SIRT1: variants seen among roughly 807,000 people sequenced by gnomAD.
The protein encoded by SIRT1 is sirtuin 1.
SIRT1 carries 24 observed loss-of-function variants against 67.9 expected under a neutral mutation model. The observed-to-expected ratio is 0.35, with a 90% confidence interval of 0.26 to 0.50. The LOEUF (loss-of-function observed/expected upper bound fraction) is 0.50. Among genes scored for constraint, SIRT1 ranks in the 20% least tolerant of loss-of-function variants. SIRT1 has a pLI of 0.98. For missense variants in SIRT1, 873 were observed against 937.2 expected (o/e 0.93, Z 0.89); for synonymous variants, 378 against 350.7 (o/e 1.08, Z -0.87).
intron 1 of SIRT1, among the ~76,000 whole-genome samples, chr10:67,886,135 G>T (rs1427503631): frequency 7.3e-5 from 11 of 151,702 alleles, no homozygotes; most frequent in African/African-American, 2.7e-4. Flanking sequence ...CAGAGACGGG[G>T]TTTCACCATG....
At chr10:67,893,278 C>T (rs757903721) in intron 4 of SIRT1, among the ~76,000 whole-genome samples, 1 of 152,148 alleles carries the variant, frequency 6.6e-6, no homozygotes, top group Non-Finnish European at 1.5e-5. Flanking sequence ...GGTATTTGTC[C>T]TAATGCTTTT....
At chr10:67,903,280 C>T (rs540642928) in intron 4 of SIRT1, among the ~76,000 whole-genome samples, 1 of 151,618 alleles carries the variant, frequency 6.6e-6, no homozygotes, top group East Asian at 2.0e-4. Flanking sequence ...TGAGGGACTG[C>T]ATTTACACCT....
intron 4 of SIRT1, among the ~76,000 whole-genome samples, chr10:67,904,962 T>C (rs1280273846): frequency 6.6e-6 from 1 of 152,180 alleles, no homozygotes; most frequent in East Asian, 1.9e-4. Context: ...TTTGTGTTTC[T>C]TACTCTACCC....
In SIRT1 at chr10:67,914,173, G is replaced by C. The variant is rs554531743; in HGVS notation, c.1915+1142G>C. Among the ~76,000 whole-genome samples the C allele has an allele frequency of 5.5e-5, 8 of 144,670 alleles. No individual in the cohort carries two copies. The East Asian group carries it at 1.7e-3, about 31-fold the overall frequency. The allele number at this position is 144,670 out of a possible 152,430, so 94.9% of individuals were successfully genotyped here. On this transcript the variant is annotated intron_variant, in intron 8 of 8. Coordinates refer to ENST00000212015, the MANE Select transcript of SIRT1 (RefSeq NM_012238.5). ...TGCAACCTCTGCGTCCCAGGTTCAA[G>C]AGATTCTCCTGCCTCAGCCTTCTGA...
At chr10:67,885,828 T>C (rs10997860) in intron 1 of SIRT1, among the ~76,000 whole-genome samples, 95,164 of 151,950 alleles carry the variant, frequency 0.63, 30,653 homozygotes, top group Non-Finnish European at 0.68. Flanking sequence ...TGTGCGGTAA[T>C]GGTGTTTGGG....
At chr10:67,888,620 C>G (rs987943580) in intron 2 of SIRT1, among the ~76,000 whole-genome samples, 6 of 152,040 alleles carry the variant, frequency 3.9e-5, no homozygotes, top group Non-Finnish European at 5.9e-5. Context: ...ACCATAAGAA[C>G]TTAATTCTGG....
At chr10:67,907,771 GT>G (rs1197416729) in intron 5 of SIRT1, among the ~76,000 whole-genome samples, 11 of 152,126 alleles carry the variant, frequency 7.2e-5, no homozygotes, top group African/African-American at 1.4e-4. Context: ...GTTGAAAAGA[GT>G]AGCTTTAGAA....
chr10:67,900,810 C>T (rs1447905758), intron 4 of SIRT1, among the ~76,000 whole-genome samples: 1 of 152,128 alleles, frequency 6.6e-6, no homozygotes, highest in Non-Finnish European at 1.5e-5. Flanking sequence ...CTTGAATTAC[C>T]TCTTTGTTTT....
chr10:67,910,066 A>T (rs1842876459), intron 7 of SIRT1, among the ~76,000 whole-genome samples: 1 of 151,264 alleles, frequency 6.6e-6, no homozygotes, highest in Admixed American at 6.6e-5. Flanking sequence ...TGACATTTTG[A>T]TGGGGGGTGG....
chr10:67,884,733 G>A lies in SIRT1; in HGVS notation c.12G>A (p.Glu4=), dbSNP rs1049337314. 1 of 1,229,196 alleles carries A rather than the reference G, an allele frequency of 8.1e-7. No individual in the cohort carries two copies. The highest frequency in any genetic ancestry group is 1.0e-6 in the Non-Finnish European group (1 of 986,312). 76.1% of individuals were successfully genotyped at this position (1,229,196 alleles called of 1,614,324 possible). A position where few individuals can be genotyped will look rare whatever the true frequency, so the allele number is the denominator to read the frequency against. Residue 4 remains glutamate (E), a synonymous_variant, in exon 1 of 9, where the codon GAG becomes GAA. Transcript: ENST00000212015. Reference sequence around the variant, plus strand: ...GAGGCAGTTGGAAGATGGCGGACGAGGCGGCCCTCGCCCTTCAGCCCGGCG... The same window carrying A: ...GAGGCAGTTGGAAGATGGCGGACGAAGCGGCCCTCGCCCTTCAGCCCGGCG... The part of the protein sequence containing the change: MAD[E]AALALQPGGS...
intron 4 of SIRT1, among the ~76,000 whole-genome samples, chr10:67,893,038 G>C (rs1382363650): frequency 4.6e-5 from 7 of 152,186 alleles, no homozygotes; most frequent in African/African-American, 1.7e-4. Context: ...TGAGTCATTA[G>C]AAAACTGTTT....
intron 4 of SIRT1, among the ~76,000 whole-genome samples, chr10:67,900,017 G>C (rs35349607): frequency 3.0e-4 from 46 of 152,234 alleles, no homozygotes; most frequent in Admixed American, 1.6e-3. Flanking sequence ...TCGGGAGGCG[G>C]AGATTGCAGT....
At chr10:67,886,555 CAAAAAAAAAAA>C (rs34780303) in intron 1 of SIRT1, among the ~76,000 whole-genome samples, 1 of 97,912 alleles carries the variant, frequency 1.0e-5, no homozygotes, top group Non-Finnish European at 2.1e-5. Context: ...GACCCCGTCT[CAAAAAAAAAAA>C]AAAAAAAAAG....
intron 4 of SIRT1, among the ~76,000 whole-genome samples, chr10:67,893,146 T>C (rs1408585457): frequency 8.0e-6 from 1 of 124,548 alleles, no homozygotes; most frequent in Non-Finnish European, 1.9e-5. Flanking sequence ...TATTTTATTT[T>C]ACTTTAAGTG....
rs2029963713 is a variant in SIRT1 at position 67,917,666 on chromosome 10, T to A, written c.*1073T>A. The A allele has an allele frequency of 6.6e-6, 1 of 151,926 alleles. No homozygotes were observed. The highest frequency in any genetic ancestry group is 2.5e-5 in the African/African-American group (1 of 40,786). The allele number at this position is 151,926 out of a possible 1,614,324, so 9.4% of individuals were successfully genotyped here. A position where few individuals can be genotyped will look rare whatever the true frequency, so the allele number is the denominator to read the frequency against. On this transcript the variant is annotated 3_prime_UTR_variant, in exon 9 of 9. Transcript: ENST00000212015. ...TCAGCCAGAAAGTACATGTCTCCCA[T>A]TGGGAGGATTTGGTGTTAAATACCA...
At chr10:67,888,233 G>C (rs900093654) in intron 2 of SIRT1, among the ~76,000 whole-genome samples, 1 of 152,118 alleles carries the variant, frequency 6.6e-6, no homozygotes, top group African/African-American at 2.4e-5. Flanking sequence ...ATCTTTTTGT[G>C]TTCTCACTCT....
chr10:67,914,689 G>T (rs1483488352), intron 8 of SIRT1, among the ~76,000 whole-genome samples: 1 of 151,948 alleles, frequency 6.6e-6, no homozygotes, highest in Non-Finnish European at 1.5e-5. Flanking sequence ...GAGTTAACCT[G>T]GAACAGTCAT....
At chr10:67,900,137 T>A (rs1002106168) in intron 4 of SIRT1, among the ~76,000 whole-genome samples, 1 of 152,090 alleles carries the variant, frequency 6.6e-6, no homozygotes, top group African/African-American at 2.4e-5. Context: ...CACCCAGCTT[T>A]ATTTTTTATT....
chr10:67,912,250 C>T (rs977266390), intron 7 of SIRT1, among the ~76,000 whole-genome samples: 2 of 152,074 alleles, frequency 1.3e-5, no homozygotes, highest in Non-Finnish European at 2.9e-5. Flanking sequence ...TCAGGGGTAA[C>T]CAGGTGATAG....
Sources: gnomAD v4.1 joint callset for allele counts (sites outside exome capture counted in the v4.1 genomes callset) on GRCh38, gnomAD v4.1.1 for gene constraint, MANE v1.5 for transcripts, NCBI Gene and HGNC (gene_info 2026-07-23, HGNC 2026-07-21) for gene names.